AKAP8: variants seen among roughly 807,000 people sequenced by gnomAD.
AKAP8 encodes A-kinase anchoring protein 8.
A neutral mutation model predicts 67.5 loss-of-function variants in AKAP8; 24 were observed. The observed-to-expected ratio is 0.36, with a 90% CI of 0.26 to 0.50. The LOEUF is 0.50. Among genes scored for constraint, AKAP8 ranks in the 20% least tolerant of loss-of-function variants. The pLI is 0.97. For missense variants in AKAP8, 971 were observed against 955.9 expected (o/e 1.02, Z -0.21); for synonymous variants, 400 against 371.1 (o/e 1.08, Z -0.90).
chr19:15,367,287 T>C (rs910038911), intron 9 of AKAP8, among the ~76,000 whole-genome samples: 56 of 152,226 alleles, frequency 3.7e-4, no homozygotes, highest in African/African-American at 1.3e-3. Flanking sequence ...ACCAGCACTT[T>C]GGGAGGCCAA....
At chr19:15,375,796 C>T (rs1482969231) in intron 2 of AKAP8, among the ~76,000 whole-genome samples, 2 of 152,012 alleles carry the variant, frequency 1.3e-5, no homozygotes, top group African/African-American at 4.8e-5. Context: ...GCCACCGCGC[C>T]CGGCTAATTT....
Position 15,374,007 on chromosome 19 carries a change from G to T in AKAP8, c.150C>A (p.Thr50=). 1.2e-6 allele frequency: 2 copies of T among 1,607,154 alleles called. No homozygotes were observed. The highest frequency in any genetic ancestry group is 1.7e-6 in the Non-Finnish European group (2 of 1,177,444). ...AQNTSVTTGA[T]YSYGPASWEA... is the part of the protein sequence containing the mutation. ...CCCACGAGGCTGGGCCGTAGCTGTA[G>T]GTTGCGCCTGTGGTGACACTGGTGT... The change falls in exon 4 of 14, where the codon ACC becomes ACA. Residue 50 remains threonine, a synonymous_variant. Transcript: ENST00000269701.
At chr19:15,365,895 C>A (rs1042838032) in intron 9 of AKAP8, among the ~76,000 whole-genome samples, 5 of 151,790 alleles carry the variant, frequency 3.3e-5, no homozygotes, top group African/African-American at 1.2e-4. Flanking sequence ...TGGTGGCGGG[C>A]GCCTGTAATT....
rs1035946764 is a variant in AKAP8, at chr19:15,354,386, G to A, written c.*529C>T. The stretch of plus-strand genomic sequence containing the variant: ...GCCTTTGGGAGTGCGTGGATGTGAC[G>A]CGGTCAGTGCCACATGTGAACCAGG... On this transcript the variant is annotated 3_prime_UTR_variant, in exon 14 of 14. Coordinates refer to ENST00000269701, the MANE Select transcript of AKAP8 (RefSeq NM_005858.4). 6 of 157,864 alleles carry A rather than the reference G, an allele frequency of 3.8e-5. No homozygotes were observed. The South Asian group carries it at 9.3e-4, about 24-fold the overall frequency. The allele number at this position is 157,864 out of a possible 1,614,324, so 9.8% of individuals were successfully genotyped here.
At chr19:15,359,524 AG>A (rs1354610548) in intron 12 of AKAP8, among the ~76,000 whole-genome samples, 3 of 151,994 alleles carry the variant, frequency 2.0e-5, no homozygotes, top group African/African-American at 7.3e-5. Flanking sequence ...GTTCGAGACA[AG>A]CCTGGCCATC....
Position 15,372,921 on chromosome 19 carries a change from G to A in AKAP8, c.791C>T (p.Ala264Val), listed in dbSNP as rs766433853. 3.9e-5 allele frequency: 59 copies of A among 1,522,916 alleles called. No individual in the cohort carries two copies. The highest frequency in any genetic ancestry group is 1.8e-4 in the Middle Eastern group (1 of 5,650). 94.3% of individuals were successfully genotyped at this position (1,522,916 alleles called of 1,614,324 possible). ...GGGCATGGTGCTGTCATAGCCGCCC[G>A]CCCCCTGCATGCCCATCACGCCGTA... is the stretch of plus-strand genomic sequence containing the variant. ...PDYGVMGMQG[A>V]GGYDSTMPYG... Residue 264 changes from alanine to valine, a missense_variant, in exon 5 of 14, where the codon GCG becomes GTG. By Grantham distance (64) the Ala-to-Val change is moderately conservative. This residue lies in a region of AKAP8 where 763 missense variants were observed against 745.4 expected (regional missense o/e 1.02). Coordinates refer to ENST00000269701, the MANE Select transcript of AKAP8 (RefSeq NM_005858.4).
chr19:15,372,880 A>G lies in AKAP8; in HGVS notation c.832T>C (p.Ser278Pro). Reference sequence around the variant, plus strand: ...TCCCGATCCCGCATCCGAGGCTGCGAGCGGCCACATCCGTAGGGCATGGTG... The same window carrying G: ...TCCCGATCCCGCATCCGAGGCTGCGGGCGGCCACATCCGTAGGGCATGGTG... ...DSTMPYGCGR[S>P]QPRMRDRDRP... The change falls in exon 5 of 14, where the codon TCG becomes CCG. Residue 278 changes from serine (S) to proline (P), a missense_variant. By Grantham distance (74) the Ser-to-Pro change is moderately conservative. This residue lies in a region of AKAP8 where 763 missense variants were observed against 745.4 expected (regional missense o/e 1.02). Coordinates refer to ENST00000269701, the MANE Select transcript of AKAP8 (RefSeq NM_005858.4). 1 of 1,502,018 alleles carries G rather than the reference A, an allele frequency of 6.7e-7. No homozygotes were observed. The highest frequency in any genetic ancestry group is 8.9e-7 in the Non-Finnish European group (1 of 1,126,230). The allele number at this position is 1,502,018 out of a possible 1,614,324, so 93.0% of individuals were successfully genotyped here.
chr19:15,361,255 G>A (rs914794936), intron 11 of AKAP8, among the ~76,000 whole-genome samples: 1 of 89,658 alleles, frequency 1.1e-5, no homozygotes, highest in Non-Finnish European at 2.1e-5. Flanking sequence ...TCTATGCAAG[G>A]CCACATCCGA....
At position 15,353,919 on chromosome 19, in the gene AKAP8, TATTTC is replaced by T. The variant is rs1426770759; in HGVS notation, c.*991_*995del. 1.1e-5 allele frequency: 1 copy of T among 88,974 alleles called. No individual in the cohort carries two copies. The highest frequency in any genetic ancestry group is 1.4e-4 in the Admixed American group (1 of 6,940). 5.5% of individuals were successfully genotyped at this position (88,974 alleles called of 1,614,324 possible). A position where few individuals can be genotyped will look rare whatever the true frequency, so the allele number is the denominator to read the frequency against. ...AGTTATTTCTCTAAAATGAAACATATATTTCATTTTATATATATATATATATATTA... is the reference window on the plus strand; with the variant it reads ...AGTTATTTCTCTAAAATGAAACATATATTTTATATATATATATATATATTA... On this transcript the variant is annotated 3_prime_UTR_variant, in exon 14 of 14. Coordinates refer to ENST00000269701, the MANE Select transcript of AKAP8 (RefSeq NM_005858.4).
At chr19:15,368,946 C>T (rs1484297868) in intron 8 of AKAP8, 16 of 985,954 alleles carry the variant, frequency 1.6e-5, no homozygotes, top group East Asian at 2.3e-4. Context: ...TTGGTCCTCC[C>T]GTCCGTCCCC....
chr19:15,379,771 G>A lies in AKAP8; in HGVS notation c.-40C>T, dbSNP rs774105303. 5 of 1,608,986 alleles carry A rather than the reference G, an allele frequency of 3.1e-6. No homozygotes were observed. The highest frequency in any genetic ancestry group is 4.2e-6 in the Non-Finnish European group (5 of 1,178,302). On this transcript the variant is annotated 5_prime_UTR_variant, in exon 1 of 14. Transcript: ENST00000269701. ...CCACCAGCAGCCCCGTTTACTAGGC[G>A]ACCACAGCACGCATGCGTTCAGCGC...
chr19:15,379,488 G>A, intron 1 of AKAP8: 1 of 486,800 alleles, frequency 2.1e-6, no homozygotes, highest in Non-Finnish European at 3.5e-6. Flanking sequence ...CCCGAGTCCC[G>A]CCCGCCTCCT....
Position 15,361,973 on chromosome 19 carries a change from A to G in AKAP8, c.1302+137T>C, listed in dbSNP as rs577689155. On this transcript the variant is annotated intron_variant, in intron 10 of 13. Coordinates refer to ENST00000269701, the MANE Select transcript of AKAP8 (RefSeq NM_005858.4). ...GAGCTCCCGGTTGTCCCTGTGACTCAGGGACTTACACAGCTACTCTATCTG... is the reference window on the plus strand; with the variant it reads ...GAGCTCCCGGTTGTCCCTGTGACTCGGGGACTTACACAGCTACTCTATCTG... 5.5e-5 allele frequency: 76 copies of G among 1,386,378 alleles called. No homozygotes were observed. In the African/African-American group the frequency reaches 9.5e-4, roughly 17 times the overall value. The allele number at this position is 1,386,378 out of a possible 1,614,324, so 85.9% of individuals were successfully genotyped here.
chr19:15,366,930 CAG>C (rs1027424144), intron 9 of AKAP8, among the ~76,000 whole-genome samples: 4 of 147,082 alleles, frequency 2.7e-5, no homozygotes, highest in African/African-American at 5.0e-5. Flanking sequence ...CTTTTTGAGA[CAG>C]AGTCTTGCTC....
chr19:15,379,460 C>A, intron 1 of AKAP8: 1 of 460,568 alleles, frequency 2.2e-6, no homozygotes, highest in South Asian at 4.1e-5. Context: ...CGAAGCCCAC[C>A]GCGGCGTCTG....
At position 15,368,319 on chromosome 19, in the gene AKAP8, T is replaced by C; in HGVS notation, c.1076A>G (p.Glu359Gly). ...CACATCCTCGTCCTCGTCCTCCTTCTCTCCTGTAACAGACAAGTCCCTTCG... is the reference window on the plus strand; with the variant it reads ...CACATCCTCGTCCTCGTCCTCCTTCCCTCCTGTAACAGACAAGTCCCTTCG... ...ELCDSGRQRG[E>G]KEDEDEDVKK... Residue 359 changes from glutamate to glycine, a missense_variant, in exon 9 of 14, where the codon GAG (glutamate) becomes GGG (glycine). By Grantham distance (98) the Glu-to-Gly change is moderately conservative. Coordinates refer to ENST00000269701, the MANE Select transcript of AKAP8 (RefSeq NM_005858.4). 1 of 1,613,658 alleles carries C rather than the reference T, an allele frequency of 6.2e-7. No individual in the cohort carries two copies. The highest frequency in any genetic ancestry group is 8.5e-7 in the Non-Finnish European group (1 of 1,179,960).
Position 15,373,012 on chromosome 19 carries a change from C to A in AKAP8, c.700G>T (p.Gly234Cys). ...CGGCTGGGGGAGGGCCCTCCCAGGC[C>A]CCGTCCACCCACGTAGTTCAGCTCG... ...WNELNYVGGR[G>C]LGGPSPSRPP... The change falls in exon 5 of 14, where the codon GGC (glycine) becomes TGC (cysteine). Residue 234 changes from glycine to cysteine, a missense_variant. Around this residue, in one of 3 missense-constraint regions of AKAP8, gnomAD observed 763 missense variants for 745.4 expected, o/e 1.02. Transcript: ENST00000269701. 1 of 1,574,264 alleles carries A rather than the reference C, an allele frequency of 6.4e-7. No individual in the cohort carries two copies. Among genetic ancestry groups the A allele is most frequent in the South Asian group, 1.2e-5 (1 of 86,536 alleles).
intron 9 of AKAP8, among the ~76,000 whole-genome samples, chr19:15,366,099 T>TA (rs1555754955): frequency 0.02 from 1,686 of 83,806 alleles, 25 homozygotes; most frequent in Middle Eastern, 0.036. Context: ...TTTTTTTTTT[T>TA]AAAAAAAGTC....
rs538242287 is a variant in AKAP8 at position 15,354,517 on chromosome 19, A to G, written c.*398T>C. The G allele has an allele frequency of 4.9e-6, 1 of 205,222 alleles. No individual in the cohort carries two copies. Among genetic ancestry groups the G allele is most frequent in the South Asian group, 9.0e-5 (1 of 11,082 alleles). 12.7% of individuals were successfully genotyped at this position (205,222 alleles called of 1,614,324 possible). On this transcript the variant is annotated 3_prime_UTR_variant, in exon 14 of 14. Coordinates refer to ENST00000269701, the MANE Select transcript of AKAP8 (RefSeq NM_005858.4). ...AAAAAAAAATCCTCTATAGAGCAAG[A>G]TATATTCCTAGTATTCAGCTGTTCC...
Sources: gnomAD v4.1 joint callset for allele counts (sites outside exome capture counted in the v4.1 genomes callset) on GRCh38, gnomAD v4.1.1 for gene constraint, gnomAD v4.1.1 regional missense constraint, MANE v1.5 for transcripts, NCBI Gene and HGNC (gene_info 2026-07-23, HGNC 2026-07-21) for gene names.